Variants in TMEM131 observed in about 807,000 individuals in gnomAD.
TMEM131 encodes the protein 2610524E03Rik.
Under a neutral mutation model 211.6 loss-of-function variants are expected in TMEM131, and 66 were observed. The ratio of observed to expected loss-of-function variants is 0.31; its 90% CI spans 0.26 to 0.38. The LOEUF (loss-of-function observed/expected upper bound fraction) is 0.38, where lower values mean the gene tolerates loss of function less well. TMEM131 is among the 10% of genes least tolerant of loss of function. The pLI is 1.00. For synonymous variants in TMEM131, 844 were observed against 841.3 expected (o/e 1.00, Z -0.06); for missense variants, 2,036 against 2,299.3 (o/e 0.89, Z 2.34).
At chr2:97,784,304 C>A (rs989301122) in intron 31 of TMEM131, among the ~76,000 whole-genome samples, 9 of 152,016 alleles carry the variant, frequency 5.9e-5, no homozygotes, top group African/African-American at 2.2e-4. Context: ...TAAGCCAAGA[C>A]AGACCATATA....
intron 1 of TMEM131, among the ~76,000 whole-genome samples, chr2:97,957,998 A>C (rs890449584): frequency 6.6e-6 from 1 of 152,214 alleles, no homozygotes; most frequent in East Asian, 1.9e-4. Flanking sequence ...TTCAGCCACA[A>C]GGGTTTATGG....
At position 97,876,858 on chromosome 2, in the gene TMEM131, C is replaced by G. The variant is rs188094276; in HGVS notation, c.359+11194G>C. Among the ~76,000 whole-genome samples the G allele has an allele frequency of 9.0e-4, 137 of 152,252 alleles. 1 individual carries two copies. The highest frequency in any genetic ancestry group is 1.8e-3 in the Admixed American group (27 of 15,282). On this transcript the variant is annotated intron_variant, in intron 4 of 40. Coordinates refer to ENST00000186436, the MANE Select transcript of TMEM131 (RefSeq NM_015348.2). ...TATTGGAAGTTCTGGCCAGGGCAATCAGGCAAGAGAAAGAAATAACGGGTA... is the reference window on the plus strand; with the variant it reads ...TATTGGAAGTTCTGGCCAGGGCAATGAGGCAAGAGAAAGAAATAACGGGTA...
rs1251424361 is a variant in TMEM131 at position 97,837,125 on chromosome 2, A to C, written c.756T>G (p.Leu252=). The C allele has an allele frequency of 1.9e-6, 3 of 1,610,108 alleles. No homozygotes were observed. In the East Asian group the frequency reaches 6.7e-5, roughly 36 times the overall value. The change falls in exon 8 of 41, where the codon CTT becomes CTG. Residue 252 remains leucine (L), a synonymous_variant. Transcript: ENST00000186436. Reference sequence around the variant, plus strand: ...GTTGACCCGTTGGGAGTTCTAGGTGAAGGTCTCCTCCACTAGAGTACATTT... The same window carrying C: ...GTTGACCCGTTGGGAGTTCTAGGTGCAGGTCTCCTCCACTAGAGTACATTT... ...VVEMYSSGGD[L]HLELPTGQQG... is the part of the protein sequence containing the mutation.
chr2:97,800,000 G>A (rs2104917134), intron 25 of TMEM131, among the ~76,000 whole-genome samples: 1 of 152,174 alleles, frequency 6.6e-6, no homozygotes, highest in African/African-American at 2.4e-5. Flanking sequence ...TAAAATATAG[G>A]TAGTTTTCAT....
At chr2:97,844,843 T>C (rs1057504689) in intron 5 of TMEM131, among the ~76,000 whole-genome samples, 1 of 152,158 alleles carries the variant, frequency 6.6e-6, no homozygotes, top group South Asian at 2.1e-4. Context: ...GCTACTCCCA[T>C]GTTCAAGAGA....
intron 1 of TMEM131, among the ~76,000 whole-genome samples, chr2:97,941,823 C>T (rs1313821890): frequency 1.3e-5 from 2 of 152,146 alleles, no homozygotes; most frequent in Non-Finnish European, 2.9e-5. Context: ...AGTCAGGAAA[C>T]AATAGGTGCT....
intron 1 of TMEM131, among the ~76,000 whole-genome samples, chr2:97,969,779 A>C (rs62156526): frequency 0.074 from 11,300 of 152,320 alleles, 502 homozygotes; most frequent in Middle Eastern, 0.12. Flanking sequence ...CAAGTAGCTG[A>C]TATCTAACCA....
intron 7 of TMEM131, among the ~76,000 whole-genome samples, chr2:97,840,103 G>A (rs1425217134): frequency 6.6e-6 from 1 of 152,162 alleles, no homozygotes; most frequent in East Asian, 1.9e-4. Flanking sequence ...TGTCTTCCCA[G>A]GTAAACAATC....
Position 97,796,406 on chromosome 2 carries a change from T to TA in TMEM131, c.3014-3dup, listed in dbSNP as rs1365321485. 1 of 1,498,486 alleles carries TA rather than the reference T, an allele frequency of 6.7e-7. No homozygotes were observed. Among genetic ancestry groups the TA allele is most frequent in the South Asian group, 1.3e-5 (1 of 77,410 alleles). The allele number at this position is 1,498,486 out of a possible 1,614,324, so 92.8% of individuals were successfully genotyped here. ...AATTTGGTTCTCTTAGTTTTAAACCTAAAGGATAAAAAATCAGGAATAAGA... is the reference window on the plus strand; with the variant it reads ...AATTTGGTTCTCTTAGTTTTAAACCTAAAAGGATAAAAAATCAGGAATAAGA... On this transcript the variant is annotated splice_polypyrimidine_tract_variant and splice_region_variant and intron_variant, in intron 27 of 40. Coordinates refer to ENST00000186436, the MANE Select transcript of TMEM131 (RefSeq NM_015348.2).
chr2:97,775,494 T>C (rs1035908052), intron 32 of TMEM131, among the ~76,000 whole-genome samples: 1 of 152,204 alleles, frequency 6.6e-6, no homozygotes, highest in Non-Finnish European at 1.5e-5. Context: ...ATTCTTTTGA[T>C]CCTTAAAATC....
intron 3 of TMEM131, among the ~76,000 whole-genome samples, chr2:97,888,357 T>C (rs1422231858): frequency 6.6e-6 from 1 of 152,212 alleles, no homozygotes; most frequent in African/African-American, 2.4e-5. Context: ...AAATAGAAAA[T>C]GCTCAGGCAG....
chr2:97,892,822 T>G (rs915856162), intron 3 of TMEM131, among the ~76,000 whole-genome samples: 2 of 152,210 alleles, frequency 1.3e-5, no homozygotes, highest in African/African-American at 2.4e-5. Context: ...ATTGTGGCGA[T>G]GGTGTGAGTT....
chr2:97,850,762 T>C (rs1371666513), intron 5 of TMEM131, among the ~76,000 whole-genome samples: 2 of 152,300 alleles, frequency 1.3e-5, no homozygotes, highest in African/African-American at 4.8e-5. Context: ...AGAATTATGG[T>C]ATTCCTACCC....
chr2:97,962,382 T>C (rs961066720), intron 1 of TMEM131, among the ~76,000 whole-genome samples: 2 of 152,088 alleles, frequency 1.3e-5, no homozygotes, highest in African/African-American at 4.8e-5. Context: ...CGGGTGTCTG[T>C]AGTCCCAGCT....
chr2:97,878,050 C>T (rs771214279), intron 4 of TMEM131, among the ~76,000 whole-genome samples: 5 of 152,154 alleles, frequency 3.3e-5, no homozygotes, highest in African/African-American at 1.2e-4. Context: ...AGGATAGGAA[C>T]AGACACTTCA....
At chr2:97,895,795 G>A (rs1322461957) in intron 3 of TMEM131, among the ~76,000 whole-genome samples, 2 of 151,754 alleles carry the variant, frequency 1.3e-5, no homozygotes, top group Non-Finnish European at 2.9e-5. Flanking sequence ...GATTTATTTT[G>A]TTGGTCTTTT....
At chr2:97,929,617 C>T (rs527557369) in intron 1 of TMEM131, among the ~76,000 whole-genome samples, 1 of 151,902 alleles carries the variant, frequency 6.6e-6, no homozygotes, top group East Asian at 1.9e-4. Context: ...TCTCCTTAGT[C>T]TAGCAGTCAC....
intron 1 of TMEM131, among the ~76,000 whole-genome samples, chr2:97,929,507 C>T (rs1256329421): frequency 3.3e-5 from 5 of 151,790 alleles, no homozygotes; most frequent in South Asian, 2.1e-4. Context: ...CTGGCTGTTC[C>T]GGTATGACAA....
chr2:97,794,283 G>A (rs945622051), intron 29 of TMEM131, among the ~76,000 whole-genome samples: 3 of 151,940 alleles, frequency 2.0e-5, no homozygotes, highest in Admixed American at 6.6e-5. Context: ...TGATCTGCCC[G>A]CCTCGGCCTC....
Sources: allele counts gnomAD v4.1 joint callset (sites outside exome capture counted in the v4.1 genomes callset), GRCh38; gene constraint gnomAD v4.1.1; transcripts MANE v1.5; gene names NCBI Gene and HGNC (gene_info 2026-07-23, HGNC 2026-07-21).